RRAGC: variants seen among roughly 807,000 people sequenced by gnomAD.
The protein encoded by RRAGC is ras-related GTP-binding protein C.
In RRAGC, 8 loss-of-function variants were observed where a neutral mutation model predicts 37.1. The observed-to-expected ratio is 0.22, with a 90% CI of 0.13 to 0.39. RRAGC has a LOEUF of 0.39. Ranked by LOEUF, RRAGC falls within the 10% of genes least tolerant of loss-of-function variation. The probability of loss-of-function intolerance (pLI) is 1.00; values close to 1 mark genes in which losing one functional copy is unlikely to be tolerated. For synonymous variants in RRAGC, 190 were observed against 181.1 expected, an observed-to-expected ratio of 1.05 and a Z score of -0.39; for missense variants, 342 against 497.6, an observed-to-expected ratio of 0.69 and a Z score of 2.98.
chr1:38,859,709 C>T lies in RRAGC; in HGVS notation c.-63G>A. ...AGGCCAGGCCGAGCCAGGCCGCCGC[C>T]TCCCCAGTCCGCCTCCGCCGCCGCC... On this transcript the variant is annotated 5_prime_UTR_variant, in exon 1 of 7. Transcript: ENST00000373001. The T allele has an allele frequency of 3.2e-6, 4 of 1,260,418 alleles. No individual in the cohort carries two copies. Among genetic ancestry groups the T allele is most frequent in the Non-Finnish European group, 4.0e-6 (4 of 998,922 alleles). The allele number at this position is 1,260,418 out of a possible 1,614,324, so 78.1% of individuals were successfully genotyped here. A position where few individuals can be genotyped will look rare whatever the true frequency, so the allele number is the denominator to read the frequency against.
chr1:38,856,432 C>T (rs1642168533), intron 2 of RRAGC, among the ~76,000 whole-genome samples: 1 of 152,214 alleles, frequency 6.6e-6, no homozygotes, highest in African/African-American at 2.4e-5. Flanking sequence ...ATTCATCTCA[C>T]TGACTGCCAC....
intron 6 of RRAGC, among the ~76,000 whole-genome samples, chr1:38,840,703 C>A (rs1641953252): frequency 6.6e-6 from 1 of 151,914 alleles, no homozygotes; most frequent in East Asian, 1.9e-4. Flanking sequence ...GAGAATACAG[C>A]ACAGGTGGAA....
intron 5 of RRAGC, chr1:38,846,601 C>T (rs1212428554): frequency 2.0e-5 from 3 of 152,408 alleles, no homozygotes; most frequent in African/African-American, 7.2e-5. Context: ...TTAGACTAAA[C>T]AAGAACAGTC....
chr1:38,857,633 T>C (rs1337892377), intron 1 of RRAGC, among the ~76,000 whole-genome samples: 1 of 152,110 alleles, frequency 6.6e-6, no homozygotes, highest in Non-Finnish European at 1.5e-5. Context: ...ATAGCTCTCA[T>C]GAGAAAAGAA....
chr1:38,855,573 A>T, intron 3 of RRAGC, 135 bp downstream of exon 3: 1 of 757,270 alleles, frequency 1.3e-6, no homozygotes, highest in Non-Finnish European at 2.2e-6. Context: ...CTGGAATTCA[A>T]CAACAAGATC....
chr1:38,859,198 T>A (rs1296894759), intron 1 of RRAGC, among the ~76,000 whole-genome samples: 1 of 152,252 alleles, frequency 6.6e-6, no homozygotes, highest in African/African-American at 2.4e-5. Context: ...CAGTTTCGCC[T>A]TCAGCGCTCC....
intron 2 of RRAGC, 165 bp downstream of exon 2, chr1:38,856,714 G>C: frequency 1.6e-6 from 1 of 624,154 alleles, no homozygotes; most frequent in Admixed American, 2.8e-5. Flanking sequence ...CCTGCACAAT[G>C]CATGTCTGCT....
At chr1:38,853,741 C>T (rs1233850554) in intron 3 of RRAGC, among the ~76,000 whole-genome samples, 2 of 149,862 alleles carry the variant, frequency 1.3e-5, no homozygotes, top group Non-Finnish European at 3.0e-5. Context: ...GAGTGAAACT[C>T]CATCTCAAAA....
chr1:38,850,512 T>TAATA (rs3072435), intron 5 of RRAGC, among the ~76,000 whole-genome samples: 47,406 of 147,704 alleles, frequency 0.32, 8,975 homozygotes, highest in Non-Finnish European at 0.42. Context: ...AGACTCCGTT[T>TAATA]AATAAATAAA....
At chr1:38,854,284 G>C (rs1336227084) in intron 3 of RRAGC, among the ~76,000 whole-genome samples, 1 of 152,154 alleles carries the variant, frequency 6.6e-6, no homozygotes, top group Non-Finnish European at 1.5e-5. Flanking sequence ...GGCCAGGCTG[G>C]TCTCAAACTC....
At chr1:38,843,581 G>A (rs184433335) in intron 6 of RRAGC, among the ~76,000 whole-genome samples, 4 of 152,126 alleles carry the variant, frequency 2.6e-5, no homozygotes, top group Admixed American at 2.0e-4. Context: ...GTAGCCGGGC[G>A]TGGTGGCAGG....
intron 6 of RRAGC, among the ~76,000 whole-genome samples, chr1:38,845,071 T>C (rs1048613626): frequency 6.6e-6 from 1 of 152,198 alleles, no homozygotes; most frequent in African/African-American, 2.4e-5. Context: ...GTGTGGTGAT[T>C]CCTCAAAGAT....
chr1:38,844,320 T>C (rs1642003322), intron 6 of RRAGC, among the ~76,000 whole-genome samples: 2 of 151,784 alleles, frequency 1.3e-5, no homozygotes, highest in East Asian at 3.9e-4. Context: ...GAGAGCATGA[T>C]CCCAAGTCAT....
At chr1:38,847,366 T>C (rs1221177872) in intron 5 of RRAGC, 2 of 151,918 alleles carry the variant, frequency 1.3e-5, no homozygotes, top group African/African-American at 2.4e-5. Context: ...TCCCAGCACT[T>C]TGGAAGGCTG....
intron 4 of RRAGC, among the ~76,000 whole-genome samples, chr1:38,852,082 C>G (rs1434905806): frequency 6.6e-6 from 1 of 152,138 alleles, no homozygotes; most frequent in Non-Finnish European, 1.5e-5. Context: ...TTCAATAATC[C>G]TCTTATTAAT....
rs1642160199 is a variant in RRAGC at position 38,855,758 on chromosome 1, T to C, written c.591A>G (p.Gln197=). 1.2e-6 allele frequency: 2 copies of C among 1,614,008 alleles called. No homozygotes were observed. The highest frequency in any genetic ancestry group is 1.7e-6 in the Non-Finnish European group (2 of 1,179,992). ...HKIETQRDIH[Q]RANDDLADAG... ...CATCTGCAAGGTCATCATTGGCCCT[T>C]TGATGAATGTCCCTCTGTGTTTCTA... The change falls in exon 3 of 7, where the codon CAA becomes CAG. Residue 197 remains glutamine, a synonymous_variant. Transcript: ENST00000373001.
intron 3 of RRAGC, among the ~76,000 whole-genome samples, chr1:38,852,968 ATTTG>A (rs1166859004): frequency 1.3e-5 from 2 of 152,096 alleles, no homozygotes; most frequent in Non-Finnish European, 2.9e-5. Context: ...CTTTCCCCTA[ATTTG>A]TTTTTCTTCA....
intron 6 of RRAGC, 121 bp from the exon 7 acceptor site, chr1:38,839,825 T>C (rs1641942021): frequency 1.1e-6 from 1 of 928,298 alleles, no homozygotes; most frequent in Non-Finnish European, 1.6e-6. Flanking sequence ...GCCTCCAAAC[T>C]AGATAGCAAC....
At chr1:38,849,794 G>T (rs543048634) in intron 5 of RRAGC, among the ~76,000 whole-genome samples, 9 of 152,256 alleles carry the variant, frequency 5.9e-5, no homozygotes, top group Non-Finnish European at 8.8e-5. Context: ...ATGAAATTTT[G>T]ATTTGTTTTA....
Sources: gnomAD v4.1 joint callset for allele counts (sites outside exome capture counted in the v4.1 genomes callset) on GRCh38, gnomAD v4.1.1 for gene constraint, MANE v1.5 for transcripts, NCBI Gene and HGNC (gene_info 2026-07-23, HGNC 2026-07-21) for gene names.